GOLM2: variants seen among roughly 807,000 people sequenced by gnomAD.
GOLM2 encodes the protein golgi membrane protein 2.
A neutral mutation model predicts 55.9 loss-of-function variants in GOLM2; 26 were observed. That is an observed-to-expected ratio of 0.47 (90% confidence interval 0.34 to 0.65). GOLM2 has a LOEUF of 0.65. Among genes scored for constraint, GOLM2 ranks in the 30% least tolerant of loss-of-function variants. GOLM2 has a pLI of 0.01. For missense variants in GOLM2, 486 were observed against 531.8 expected (o/e 0.91, Z 0.85); for synonymous variants, 165 against 194.6 (o/e 0.85, Z 1.27).
intron 1 of GOLM2, among the ~76,000 whole-genome samples, chr15:44,299,574 TTATATAA>T (rs1194096783): frequency 6.6e-6 from 1 of 152,074 alleles, no homozygotes; most frequent in Non-Finnish European, 1.5e-5. Context: ...ATAACTACTC[TTATATAA>T]TATATACTGT....
At chr15:44,387,351 C>G (rs988121011) in intron 8 of GOLM2, 1 of 152,280 alleles carries the variant, frequency 6.6e-6, no homozygotes, top group East Asian at 1.9e-4. Flanking sequence ...TTTTAGTGCA[C>G]AAGTCTTGTG....
At chr15:44,367,687 C>T (rs1330414986) in intron 6 of GOLM2, among the ~76,000 whole-genome samples, 6 of 151,668 alleles carry the variant, frequency 4.0e-5, no homozygotes, top group Non-Finnish European at 2.9e-5. Flanking sequence ...CCCAGCTACT[C>T]GTGAGGCTTG....
chr15:44,389,744 C>G (rs1024053428), intron 8 of GOLM2, among the ~76,000 whole-genome samples: 2 of 152,176 alleles, frequency 1.3e-5, no homozygotes, highest in African/African-American at 4.8e-5. Context: ...TGCATTAGCA[C>G]GTTCATAGCT....
intron 1 of GOLM2, among the ~76,000 whole-genome samples, chr15:44,302,934 C>G (rs1414823591): frequency 1.3e-5 from 2 of 152,014 alleles, no homozygotes; most frequent in Non-Finnish European, 2.9e-5. Flanking sequence ...GAAACCCCGT[C>G]TCTACTAAAA....
At chr15:44,378,142 G>A (rs993429002) in intron 6 of GOLM2, among the ~76,000 whole-genome samples, 4 of 151,060 alleles carry the variant, frequency 2.6e-5, no homozygotes, top group South Asian at 2.1e-4. Flanking sequence ...TCTGCGTCCC[G>A]GGTTCACGCC....
intron 4 of GOLM2, 152 bp downstream of exon 4, chr15:44,332,230 A>C (rs1043589198): frequency 1.7e-5 from 9 of 537,500 alleles, no homozygotes; most frequent in African/African-American, 1.6e-4. Flanking sequence ...TTTATTTCTG[A>C]GTAAATTAAA....
At chr15:44,301,306 C>T (rs757734859) in intron 1 of GOLM2, among the ~76,000 whole-genome samples, 1 of 152,134 alleles carries the variant, frequency 6.6e-6, no homozygotes, top group Non-Finnish European at 1.5e-5. Flanking sequence ...TCTCCTTTCT[C>T]TCCTTTTTGA....
At chr15:44,363,048 T>A (rs1334031704) in intron 6 of GOLM2, among the ~76,000 whole-genome samples, 7 of 152,158 alleles carry the variant, frequency 4.6e-5, no homozygotes, top group African/African-American at 1.7e-4. Flanking sequence ...CAATTCAAGA[T>A]GGATTAAAGA....
intron 1 of GOLM2, among the ~76,000 whole-genome samples, chr15:44,320,462 C>T (rs961128245): frequency 6.6e-6 from 1 of 152,070 alleles, no homozygotes; most frequent in African/African-American, 2.4e-5. Flanking sequence ...CCATGCCTGG[C>T]TAATTTCATT....
chr15:44,288,941 G>T lies in GOLM2; in HGVS notation c.-89G>T. ...TCCTCCCTCGGCCGGCCCTGGGGCC[G>T]TGTCCGCCGGGCAACTCCAGCCGAG... is the stretch of plus-strand genomic sequence containing the variant. On this transcript the variant is annotated 5_prime_UTR_variant, in exon 1 of 10. Transcript: ENST00000299957. 1 of 1,277,034 alleles carries T rather than the reference G, an allele frequency of 7.8e-7. No individual in the cohort carries two copies. The highest frequency in any genetic ancestry group is 2.3e-5 in the Admixed American group (1 of 42,942). The allele number at this position is 1,277,034 out of a possible 1,614,324, so 79.1% of individuals were successfully genotyped here.
intron 9 of GOLM2, chr15:44,409,951 C>A (rs973715340): frequency 2.6e-5 from 4 of 151,340 alleles, no homozygotes; most frequent in Admixed American, 1.3e-4. Context: ...AGTAAAGACA[C>A]CTTTTCCTTT....
intron 3 of GOLM2, among the ~76,000 whole-genome samples, chr15:44,330,208 T>TAAAAA (rs746756627): frequency 9.8e-5 from 8 of 81,480 alleles, no homozygotes; most frequent in African/African-American, 3.8e-4. Context: ...CTTGTCTCTT[T>TAAAAA]AAAAAAAAAA....
intron 9 of GOLM2, among the ~76,000 whole-genome samples, chr15:44,405,022 G>A (rs1424606837): frequency 6.6e-6 from 1 of 152,038 alleles, no homozygotes; most frequent in African/African-American, 2.4e-5. Flanking sequence ...ATATCTTAAA[G>A]GTGATAATTG....
rs577662790 is a variant in GOLM2, at chr15:44,373,481, C to T, written c.803-6209C>T. 4.5e-3 allele frequency among the ~76,000 whole-genome samples: 672 copies of T among 149,108 alleles called. 4 individuals carry two copies. Among genetic ancestry groups the T allele is most frequent in the African/African-American group, 0.016 (640 of 40,368 alleles). On this transcript the variant is annotated intron_variant, in intron 6 of 9. Coordinates refer to ENST00000299957, the MANE Select transcript of GOLM2 (RefSeq NM_138423.4). ...CAAAAAAAAAACAGTTTTGGCAGGG[C>T]ACAGTGGCTCGCACCTGTAATCCCA...
intron 6 of GOLM2, among the ~76,000 whole-genome samples, chr15:44,342,748 T>G (rs1216294941): frequency 2.0e-5 from 3 of 152,224 alleles, no homozygotes; most frequent in Non-Finnish European, 4.4e-5. Flanking sequence ...AGGAAAGCCA[T>G]TTCATATCTT....
intron 1 of GOLM2, among the ~76,000 whole-genome samples, chr15:44,316,903 A>C (rs1326128076): frequency 6.8e-6 from 1 of 147,688 alleles, no homozygotes. Flanking sequence ...GGAGGATCAC[A>C]TGGGCTTGGG....
chr15:44,400,433 C>T (rs2079556919), intron 8 of GOLM2, among the ~76,000 whole-genome samples: 1 of 151,904 alleles, frequency 6.6e-6, no homozygotes. Context: ...ATTCTCCTGC[C>T]TCAGCCTCCC....
chr15:44,300,325 G>A (rs975847050), intron 1 of GOLM2, among the ~76,000 whole-genome samples: 1 of 152,116 alleles, frequency 6.6e-6, no homozygotes, highest in Non-Finnish European at 1.5e-5. Flanking sequence ...TATTAATTCA[G>A]TTGACAAAAA....
chr15:44,321,826 A>C lies in GOLM2; in HGVS notation c.328-1139A>C, dbSNP rs553940770. On this transcript the variant is annotated intron_variant, in intron 1 of 9. Transcript: ENST00000299957. ...CCCAGCACTTTGGGAGGCCAGCAGG[A>C]GAATCACTTGAGTCCAAGAGTTCAA... Among the ~76,000 whole-genome samples, 36 of 151,786 alleles carry C rather than the reference A, an allele frequency of 2.4e-4. 1 individual carries two copies. In the South Asian group the frequency reaches 7.3e-3, roughly 31 times the overall value.
Sources: gnomAD v4.1 joint callset for allele counts (sites outside exome capture counted in the v4.1 genomes callset) on GRCh38, gnomAD v4.1.1 for gene constraint, MANE v1.5 for transcripts, NCBI Gene and HGNC (gene_info 2026-07-23, HGNC 2026-07-21) for gene names.